Variants in SORCS3 observed in about 807,000 individuals in gnomAD.
SORCS3 encodes the protein sortilin related VPS10 domain containing receptor 3.
A neutral mutation model predicts 146.3 loss-of-function variants in SORCS3; 57 were observed. The ratio of observed to expected loss-of-function variants is 0.39; its 90% CI spans 0.31 to 0.49. SORCS3 has a LOEUF of 0.49. Ranked by LOEUF, SORCS3 falls within the 20% of genes least tolerant of loss-of-function variation. The probability of loss-of-function intolerance (pLI) is 0.92; values close to 1 mark genes in which losing one functional copy is unlikely to be tolerated. For synonymous variants in SORCS3, 653 were observed against 618.5 expected, an observed-to-expected ratio of 1.06 and a Z score of -0.83; for missense variants, 1,341 against 1,575.5, an observed-to-expected ratio of 0.85 and a Z score of 2.52.
intron 5 of SORCS3, among the ~76,000 whole-genome samples, chr10:105,053,146 A>C (rs1231284362): frequency 6.6e-6 from 1 of 152,088 alleles, no homozygotes; most frequent in Non-Finnish European, 1.5e-5. Context: ...CACTAATCAC[A>C]TTATGAGAGC....
intron 4 of SORCS3, among the ~76,000 whole-genome samples, chr10:105,001,871 AC>A (rs201531407): frequency 0.013 from 1,912 of 152,276 alleles, 45 homozygotes; most frequent in African/African-American, 0.043. Flanking sequence ...AGAAGAGGAA[AC>A]TAGGGTTTTA....
rs117486259 is a variant in SORCS3, at chr10:104,910,080, G to A, written c.696-5753G>A. ...AACAGTTTCAGGACTCAGACTAGGA[G>A]TTGATGCCATAGAATAGTCCCAAGC... On this transcript the variant is annotated intron_variant, in intron 2 of 26. Coordinates refer to ENST00000369701, the MANE Select transcript of SORCS3 (RefSeq NM_014978.3). 6.6e-3 allele frequency among the ~76,000 whole-genome samples: 1,007 copies of A among 152,336 alleles called. 5 individuals carry two copies. The highest frequency in any genetic ancestry group is 0.01 in the Middle Eastern group (3 of 292).
At chr10:105,251,012 G>C (rs2056894770) in intron 22 of SORCS3, among the ~76,000 whole-genome samples, 1 of 152,162 alleles carries the variant, frequency 6.6e-6, no homozygotes, top group African/African-American at 2.4e-5. Context: ...TTTTTACTCT[G>C]TGTCAAGCAT....
chr10:104,876,642 C>G (rs2018574664), intron 2 of SORCS3, among the ~76,000 whole-genome samples: 1 of 152,008 alleles, frequency 6.6e-6, no homozygotes, highest in African/African-American at 2.4e-5. Flanking sequence ...TCATATGCCC[C>G]CAAAACTCCA....
intron 7 of SORCS3, 130 bp downstream of exon 7, chr10:105,105,645 AG>A: frequency 1.4e-6 from 1 of 707,418 alleles, no homozygotes; most frequent in Admixed American, 1.9e-5. Context: ...CCTTTGCTTC[AG>A]GGACCCAGTC....
At chr10:105,186,157 G>T (rs1174135012) in intron 14 of SORCS3, among the ~76,000 whole-genome samples, 2 of 152,138 alleles carry the variant, frequency 1.3e-5, no homozygotes, top group African/African-American at 4.8e-5. Context: ...TGGAATTGGT[G>T]GGTCATGGTG....
chr10:104,973,516 G>T (rs1006451262), intron 3 of SORCS3, among the ~76,000 whole-genome samples: 2 of 151,674 alleles, frequency 1.3e-5, no homozygotes, highest in African/African-American at 4.8e-5. Flanking sequence ...ATGGTAGTTT[G>T]TATTTCTGTG....
intron 1 of SORCS3, among the ~76,000 whole-genome samples, chr10:104,815,830 A>G (rs1049519660): frequency 3.3e-5 from 5 of 152,234 alleles, no homozygotes; most frequent in African/African-American, 1.2e-4. Flanking sequence ...AAGAATGAGC[A>G]TACTTTTTGC....
At chr10:105,135,073 C>G (rs1222239371) in intron 7 of SORCS3, among the ~76,000 whole-genome samples, 1 of 151,968 alleles carries the variant, frequency 6.6e-6, no homozygotes. Flanking sequence ...AAGTCCAAAA[C>G]CCAACAGGGT....
At chr10:105,193,703 G>T (rs1019639712) in intron 14 of SORCS3, among the ~76,000 whole-genome samples, 10 of 152,128 alleles carry the variant, frequency 6.6e-5, no homozygotes, top group Non-Finnish European at 1.3e-4. Context: ...GAAGTGATTT[G>T]CTCAAGGTCA....
At chr10:104,968,638 TG>T (rs368929598) in intron 3 of SORCS3, among the ~76,000 whole-genome samples, 13 of 152,326 alleles carry the variant, frequency 8.5e-5, no homozygotes, top group African/African-American at 3.1e-4. Context: ...AAATCTCTAG[TG>T]GGATCTCTGT....
intron 1 of SORCS3, among the ~76,000 whole-genome samples, chr10:104,816,998 C>T (rs1488070572): frequency 6.6e-6 from 1 of 152,192 alleles, no homozygotes; most frequent in East Asian, 1.9e-4. Flanking sequence ...CCTGTATCCA[C>T]CTTCGTGGAC....
chr10:104,866,643 G>A (rs947103460), intron 2 of SORCS3, among the ~76,000 whole-genome samples: 1 of 152,108 alleles, frequency 6.6e-6, no homozygotes, highest in South Asian at 2.1e-4. Flanking sequence ...TACCACAGGG[G>A]GTTAATTTGG....
intron 1 of SORCS3, among the ~76,000 whole-genome samples, chr10:104,645,933 G>A (rs941203285): frequency 1.3e-5 from 2 of 152,186 alleles, no homozygotes; most frequent in Non-Finnish European, 2.9e-5. Flanking sequence ...CACAGTTCCT[G>A]TGTCACAATA....
At chr10:105,218,523 T>C (rs1230251103) in intron 19 of SORCS3, among the ~76,000 whole-genome samples, 4 of 152,144 alleles carry the variant, frequency 2.6e-5, no homozygotes, top group Admixed American at 2.6e-4. Context: ...ATAGGCAAAG[T>C]GGTGAGAACC....
In SORCS3 at chr10:105,247,322, T is replaced by C; in HGVS notation, c.3096T>C (p.Ala1032=). ...ATATTGGCAATGTCATCAAGCGAGC[T>C]CTGGTTAAAGTAAGTTGGCTTTGTC... ...RKDIGNVIKR[A]LVKVTSVPED... is the part of the protein sequence containing the mutation. Residue 1032 remains alanine (A), a synonymous_variant, in exon 22 of 27, where the codon GCT becomes GCC. Coordinates refer to ENST00000369701, the MANE Select transcript of SORCS3 (RefSeq NM_014978.3). 6.2e-7 allele frequency: 1 copy of C among 1,600,276 alleles called. No individual in the cohort carries two copies. The highest frequency in any genetic ancestry group is 8.6e-7 in the Non-Finnish European group (1 of 1,168,206).
chr10:104,837,470 A>T (rs1211945163), intron 1 of SORCS3, among the ~76,000 whole-genome samples: 1 of 152,168 alleles, frequency 6.6e-6, no homozygotes, highest in Non-Finnish European at 1.5e-5. Context: ...GCTATTACTC[A>T]TGAATTATTC....
chr10:104,992,805 CTT>C (rs2055002543), intron 4 of SORCS3, among the ~76,000 whole-genome samples: 1 of 152,144 alleles, frequency 6.6e-6, no homozygotes, highest in Admixed American at 6.5e-5. Flanking sequence ...CTGGAGAAAG[CTT>C]TGCCTAGACA....
intron 1 of SORCS3, among the ~76,000 whole-genome samples, chr10:104,676,426 A>T (rs934651089): frequency 3.3e-5 from 5 of 152,242 alleles, no homozygotes; most frequent in Admixed American, 2.0e-4. Context: ...TATGGAAAAA[A>T]GGAAAAGCTA....
Sources: gnomAD v4.1 joint callset for allele counts (sites outside exome capture counted in the v4.1 genomes callset) on GRCh38, gnomAD v4.1.1 for gene constraint, MANE v1.5 for transcripts, NCBI Gene and HGNC (gene_info 2026-07-23, HGNC 2026-07-21) for gene names.